OCA2: variants seen among roughly 807,000 people sequenced by gnomAD.
The protein encoded by OCA2 is P protein.
Under a neutral mutation model 100.2 loss-of-function variants are expected in OCA2, and 77 were observed. The observed-to-expected ratio is 0.77, with a 90% CI of 0.64 to 0.93. The LOEUF (loss-of-function observed/expected upper bound fraction) is 0.93, where lower values mean the gene tolerates loss of function less well. Ranked by LOEUF, OCA2 falls within the 40% of genes least tolerant of loss-of-function variation. The probability of loss-of-function intolerance (pLI) is 0.00; values close to 1 mark genes in which losing one functional copy is unlikely to be tolerated. For synonymous variants in OCA2, 432 were observed against 439.2 expected, an observed-to-expected ratio of 0.98 and a Z score of 0.21; for missense variants, 1,062 against 1,089.1, an observed-to-expected ratio of 0.98 and a Z score of 0.35.
At chr15:27,760,153 T>C (rs1294092231) in intron 23 of OCA2, among the ~76,000 whole-genome samples, 1 of 151,984 alleles carries the variant, frequency 6.6e-6, no homozygotes, top group Non-Finnish European at 1.5e-5. Context: ...AAATAATTCA[T>C]AGATCCAAGA....
At chr15:28,026,769 G>A (rs941821304) in intron 4 of OCA2, among the ~76,000 whole-genome samples, 3 of 152,194 alleles carry the variant, frequency 2.0e-5, no homozygotes, top group Non-Finnish European at 2.9e-5. Flanking sequence ...CACTTGGAGC[G>A]TGCAGGCGGG....
At chr15:28,069,824 C>T (rs1464400483) in intron 2 of OCA2, among the ~76,000 whole-genome samples, 3 of 133,020 alleles carry the variant, frequency 2.3e-5, no homozygotes, top group Admixed American at 7.2e-5. Context: ...CGGCCGCCAC[C>T]CCGTCTGGGA....
chr15:28,096,030 G>A (rs893394435), intron 1 of OCA2, among the ~76,000 whole-genome samples: 1 of 152,196 alleles, frequency 6.6e-6, no homozygotes, highest in Non-Finnish European at 1.5e-5. Flanking sequence ...GGGTCCACAG[G>A]GCATGGCTGT....
rs74643313 is a variant in OCA2, at chr15:27,797,879, G to A, written c.2433-42407C>T. 3.5e-3 allele frequency among the ~76,000 whole-genome samples: 536 copies of A among 152,232 alleles called. 6 individuals are homozygous for A. The highest frequency in any genetic ancestry group is 0.012 in the African/African-American group (497 of 41,534). On this transcript the variant is annotated intron_variant, in intron 23 of 23. Coordinates refer to ENST00000354638, the MANE Select transcript of OCA2 (RefSeq NM_000275.3). ...TGGAGAGGGCTCCCATGTTGGCCAC[G>A]CTAGAGTCTTTCCTGAGTCCTGGCC... is the stretch of plus-strand genomic sequence containing the variant.
intron 18 of OCA2, among the ~76,000 whole-genome samples, chr15:27,929,711 T>A (rs74008209): frequency 6.6e-6 from 1 of 151,966 alleles, no homozygotes; most frequent in South Asian, 2.1e-4. Context: ...TGCCACAAAC[T>A]GGGAGAAAAT....
At chr15:27,797,541 T>C (rs2033395338) in intron 23 of OCA2, among the ~76,000 whole-genome samples, 1 of 120,460 alleles carries the variant, frequency 8.3e-6, no homozygotes, top group Non-Finnish European at 1.7e-5. Context: ...TCCATTCACA[T>C]TAACGGAGAC....
In OCA2 at chr15:27,983,346, A is replaced by G. The variant is rs1419933291; in HGVS notation, c.1502T>C (p.Met501Thr). The G allele has an allele frequency of 6.2e-7, 1 of 1,614,174 alleles. No individual in the cohort carries two copies. The highest frequency in any genetic ancestry group is 2.2e-5 in the East Asian group (1 of 44,872). Residue 501 changes from methionine (M) to threonine (T), a missense_variant and splice_region_variant, in exon 14 of 24, where the codon ATG (methionine) becomes ACG (threonine). Met to Thr is a moderately conservative substitution (Grantham distance 81). Coordinates refer to ENST00000354638, the MANE Select transcript of OCA2 (RefSeq NM_000275.3). ...CAACCCTAGCATGCTGGTACGTACC[A>G]TCTTCCTCAGCTCTTGGTTGGAAAC... is the stretch of plus-strand genomic sequence containing the variant. ...IIVSNQELRK[M>T]GLDFAGFTAH...
At chr15:27,984,918 C>G (rs1361588787) in intron 13 of OCA2, 146 bp downstream of exon 13, 1 of 923,496 alleles carries the variant, frequency 1.1e-6, no homozygotes, top group Non-Finnish European at 1.7e-6. Context: ...CAGACACGAG[C>G]TGGACTGGAA....
chr15:27,948,282 G>A (rs959798888), intron 18 of OCA2, among the ~76,000 whole-genome samples: 13 of 152,152 alleles, frequency 8.5e-5, no homozygotes, highest in Non-Finnish European at 1.3e-4. Flanking sequence ...GGAACGCAAC[G>A]GGGTTGGCCT....
chr15:27,891,157 T>C (rs1395042762), intron 19 of OCA2, among the ~76,000 whole-genome samples: 2 of 152,178 alleles, frequency 1.3e-5, no homozygotes, highest in African/African-American at 4.8e-5. Flanking sequence ...ACAAAAGTTA[T>C]GTTGCCATCT....
At chr15:27,792,902 C>G (rs2033151482) in intron 23 of OCA2, among the ~76,000 whole-genome samples, 1 of 152,212 alleles carries the variant, frequency 6.6e-6, no homozygotes, top group African/African-American at 2.4e-5. Flanking sequence ...CCCTGTGTGG[C>G]CCACCTTGCC....
rs970276749 is a variant in OCA2, at chr15:27,871,175, G to T, written c.2223C>A (p.Asn741Lys). The T allele has an allele frequency of 5.6e-6, 9 of 1,613,844 alleles. No homozygotes were observed. Among genetic ancestry groups the T allele is most frequent in the Non-Finnish European group, 7.6e-6 (9 of 1,179,824 alleles). ...TCACCATGGTAGCAGTGAACGGGAT[G>T]TTGTCAATCAGGGACGACGCCAGGG... ...VSALASSLIDNIPFTATMIPV... is the reference protein window; with the variant it reads ...VSALASSLIDKIPFTATMIPV... The change falls in exon 21 of 24, where the codon AAC becomes AAA. Residue 741 changes from asparagine (N) to lysine (K), a missense_variant. Physicochemically the swap from Asn to Lys is moderately conservative, Grantham distance 94. Transcript: ENST00000354638.
intron 23 of OCA2, among the ~76,000 whole-genome samples, chr15:27,821,313 C>T (rs936626213): frequency 3.3e-5 from 5 of 152,080 alleles, no homozygotes; most frequent in African/African-American, 1.2e-4. Context: ...CAGGCAAGTA[C>T]TTGTATAAGA....
At chr15:28,096,561 G>A (rs1454942259) in intron 1 of OCA2, among the ~76,000 whole-genome samples, 1 of 152,220 alleles carries the variant, frequency 6.6e-6, no homozygotes, top group Non-Finnish European at 1.5e-5. Context: ...CTGAGACAGG[G>A]GTGTCCCGCT....
intron 23 of OCA2, among the ~76,000 whole-genome samples, chr15:27,819,888 G>A (rs868837899): frequency 3.9e-5 from 6 of 152,048 alleles, no homozygotes; most frequent in Admixed American, 6.6e-5. Flanking sequence ...TTGGAGAAAC[G>A]TTGTATTCTA....
chr15:28,090,843 A>T (rs1432661633), intron 1 of OCA2, among the ~76,000 whole-genome samples: 1 of 152,158 alleles, frequency 6.6e-6, no homozygotes, highest in Non-Finnish European at 1.5e-5. Context: ...GCTGAGATTA[A>T]AAATCAGTGA....
chr15:27,731,213 G>A, the OCA2 span, among the ~76,000 whole-genome samples: 125 of 152,180 alleles, frequency 8.2e-4, no homozygotes, highest in African/African-American at 2.7e-3. Context: ...AATTCAAAAA[G>A]CAATGATGGC....
intron 23 of OCA2, among the ~76,000 whole-genome samples, chr15:27,811,625 A>G (rs1011714541): frequency 6.6e-6 from 1 of 152,226 alleles, no homozygotes. Context: ...AAAATGGCTT[A>G]CTGCTGTTTC....
At chr15:27,789,046 C>T (rs1320241862) in intron 23 of OCA2, among the ~76,000 whole-genome samples, 2 of 151,980 alleles carry the variant, frequency 1.3e-5, no homozygotes, top group Non-Finnish European at 2.9e-5. Flanking sequence ...TTACATCTCT[C>T]TATGTCAAAA....
Sources: gnomAD v4.1 joint callset for allele counts (sites outside exome capture counted in the v4.1 genomes callset) on GRCh38, gnomAD v4.1.1 for gene constraint, MANE v1.5 for transcripts, NCBI Gene and HGNC (gene_info 2026-07-23, HGNC 2026-07-21) for gene names.